Variants in DTWD2 observed in about 807,000 individuals in gnomAD.
DTWD2 encodes the protein DTW motif tRNA-uridine aminocarboxypropyltransferase 2, also known as tRNA-uridine aminocarboxypropyltransferase 2.
DTWD2 carries 39 observed loss-of-function variants against 31.8 expected under a neutral mutation model. The observed-to-expected ratio is 1.22, with a 90% CI of 0.95 to 1.60. The LOEUF (loss-of-function observed/expected upper bound fraction) is 1.60, where lower values mean the gene tolerates loss of function less well. Ranked by LOEUF, DTWD2 falls within the 40% of genes most tolerant of loss-of-function variation. The probability of loss-of-function intolerance (pLI) is 0.00; values close to 1 mark genes in which losing one functional copy is unlikely to be tolerated. For synonymous variants in DTWD2, 180 were observed against 142.8 expected, an observed-to-expected ratio of 1.26 and a Z score of -1.86; for missense variants, 515 against 381.5, an observed-to-expected ratio of 1.35 and a Z score of -2.92.
intron 1 of DTWD2, among the ~76,000 whole-genome samples, chr5:118,949,282 T>C (rs1166065794): frequency 3.3e-5 from 5 of 151,580 alleles, no homozygotes. Flanking sequence ...ATAGCCTAGG[T>C]AAGTTGCTGA....
intron 4 of DTWD2, among the ~76,000 whole-genome samples, chr5:118,910,768 T>C (rs1368221102): frequency 6.6e-6 from 1 of 152,144 alleles, no homozygotes; most frequent in Non-Finnish European, 1.5e-5. Context: ...ACAACAGAAG[T>C]TTATTGTTCA....
chr5:118,836,650 G>T lies in DTWD2; in HGVS notation c.*4267C>A, dbSNP rs6861907. 0.39 allele frequency among the ~76,000 whole-genome samples: 59,212 copies of T among 152,052 alleles called. 14,040 individuals are homozygous for T. The highest frequency in any genetic ancestry group is 0.67 in the African/African-American group (27,924 of 41,434). Reference sequence around the variant, plus strand: ...TATTTGTGTCCCCACAAAACTCACAGGTTGAAACCTTAATTCCCGAGGTAT... The same window carrying T: ...TATTTGTGTCCCCACAAAACTCACATGTTGAAACCTTAATTCCCGAGGTAT... On this transcript the variant is annotated 3_prime_UTR_variant, in exon 6 of 6. Coordinates refer to ENST00000510708, the MANE Select transcript of DTWD2 (RefSeq NM_173666.4).
chr5:118,930,308 C>T (rs1029309242), intron 3 of DTWD2, among the ~76,000 whole-genome samples: 14 of 152,226 alleles, frequency 9.2e-5, no homozygotes, highest in African/African-American at 3.1e-4. Flanking sequence ...GAATGAGACA[C>T]CCTTTGCCCA....
At chr5:118,858,788 A>G (rs1467252684) in intron 4 of DTWD2, among the ~76,000 whole-genome samples, 3 of 152,158 alleles carry the variant, frequency 2.0e-5, no homozygotes, top group Non-Finnish European at 4.4e-5. Flanking sequence ...ATTATACCCT[A>G]GTATCATCAA....
intron 1 of DTWD2, among the ~76,000 whole-genome samples, chr5:118,975,851 A>T (rs563680245): frequency 6.6e-6 from 1 of 152,350 alleles, no homozygotes; most frequent in South Asian, 2.1e-4. Context: ...GACCTAATAG[A>T]CATCTACAGA....
chr5:118,887,423 G>C (rs1313132536), intron 4 of DTWD2, among the ~76,000 whole-genome samples: 2 of 117,450 alleles, frequency 1.7e-5, no homozygotes, highest in South Asian at 5.4e-4. Context: ...AATAAAGACT[G>C]TGTACATGTC....
At chr5:118,880,571 T>C (rs1213440272) in intron 4 of DTWD2, among the ~76,000 whole-genome samples, 2 of 152,176 alleles carry the variant, frequency 1.3e-5, no homozygotes, top group Admixed American at 6.5e-5. Flanking sequence ...CTATGGCATC[T>C]CTACAAACAC....
intron 4 of DTWD2, among the ~76,000 whole-genome samples, chr5:118,874,750 A>G (rs1254337973): frequency 6.6e-6 from 1 of 152,210 alleles, no homozygotes; most frequent in East Asian, 1.9e-4. Context: ...GGGTACCTGA[A>G]AGAAACGGGG....
chr5:118,894,180 T>A (rs1753033201), intron 4 of DTWD2, among the ~76,000 whole-genome samples: 1 of 152,170 alleles, frequency 6.6e-6, no homozygotes, highest in Admixed American at 6.6e-5. Flanking sequence ...TCAATCCTGC[T>A]CTCTTCTAAT....
At chr5:118,965,363 C>T (rs1334452872) in intron 1 of DTWD2, among the ~76,000 whole-genome samples, 9 of 151,818 alleles carry the variant, frequency 5.9e-5, no homozygotes, top group Non-Finnish European at 1.2e-4. Context: ...CGCCTCTGCC[C>T]GGCCGCCCCT....
At chr5:118,860,720 T>A (rs1455009142) in intron 4 of DTWD2, among the ~76,000 whole-genome samples, 1 of 152,162 alleles carries the variant, frequency 6.6e-6, no homozygotes, top group African/African-American at 2.4e-5. Context: ...AGAAATGGTA[T>A]CTCAGTATAA....
intron 1 of DTWD2, among the ~76,000 whole-genome samples, chr5:118,963,404 T>A (rs970750859): frequency 6.6e-6 from 1 of 152,010 alleles, no homozygotes; most frequent in Non-Finnish European, 1.5e-5. Flanking sequence ...AGCACCTGTT[T>A]TGGGGGAGCA....
chr5:118,903,397 A>G (rs2149566824), intron 4 of DTWD2, among the ~76,000 whole-genome samples: 1 of 152,174 alleles, frequency 6.6e-6, no homozygotes, highest in African/African-American at 2.4e-5. Flanking sequence ...AGTAATAAAT[A>G]ACCTTCTTCA....
At chr5:118,855,607 G>A (rs917005251) in intron 4 of DTWD2, among the ~76,000 whole-genome samples, 1 of 151,990 alleles carries the variant, frequency 6.6e-6, no homozygotes, top group Non-Finnish European at 1.5e-5. Flanking sequence ...TAAATATTGG[G>A]CCTAGTGATT....
intron 4 of DTWD2, among the ~76,000 whole-genome samples, chr5:118,868,211 T>G (rs1332827127): frequency 1.3e-5 from 2 of 151,850 alleles, no homozygotes; most frequent in Non-Finnish European, 2.9e-5. Context: ...GATACCCACA[T>G]GCAAAAGAAT....
intron 4 of DTWD2, among the ~76,000 whole-genome samples, chr5:118,872,912 G>T (rs1752537718): frequency 6.6e-6 from 1 of 152,168 alleles, no homozygotes; most frequent in African/African-American, 2.4e-5. Context: ...GCTTGAAACA[G>T]ATCTTCAGAG....
chr5:118,878,223 G>A lies in DTWD2; in HGVS notation c.598-30005C>T, dbSNP rs552068007. The stretch of plus-strand genomic sequence containing the variant: ...AGCCAAGGCAATCCTAAGCAAAAAG[G>A]ACAAAGCTGGAAGCATCACACTATC... On this transcript the variant is annotated intron_variant, in intron 4 of 5. Coordinates refer to ENST00000510708, the MANE Select transcript of DTWD2 (RefSeq NM_173666.4). Among the ~76,000 whole-genome samples, 8 of 152,146 alleles carry A rather than the reference G, an allele frequency of 5.3e-5. No homozygotes were observed. In the East Asian group the frequency reaches 7.7e-4, roughly 15 times the overall value.
Position 118,881,424 on chromosome 5 carries a change from T to G in DTWD2, c.598-33206A>C, listed in dbSNP as rs534122593. On this transcript the variant is annotated intron_variant, in intron 4 of 5. Transcript: ENST00000510708. Reference sequence around the variant, plus strand: ...CATGGCTTATATGAGTATTAATAATTTGAAAGTATTATTTCTTTCTAATAG... The same window carrying G: ...CATGGCTTATATGAGTATTAATAATGTGAAAGTATTATTTCTTTCTAATAG... Among the ~76,000 whole-genome samples, 3 of 152,340 alleles carry G rather than the reference T, an allele frequency of 2.0e-5. No individual in the cohort carries two copies. In the South Asian group the frequency reaches 6.2e-4, roughly 32 times the overall value.
intron 1 of DTWD2, among the ~76,000 whole-genome samples, chr5:118,976,569 C>A (rs1162590269): frequency 1.3e-5 from 2 of 152,200 alleles, no homozygotes; most frequent in African/African-American, 4.8e-5. Flanking sequence ...CACCTCTACA[C>A]ACATAAACTA....
Sources: gnomAD v4.1 joint callset for allele counts (sites outside exome capture counted in the v4.1 genomes callset) on GRCh38, gnomAD v4.1.1 for gene constraint, MANE v1.5 for transcripts, NCBI Gene and HGNC (gene_info 2026-07-23, HGNC 2026-07-21) for gene names.